Variants in ABCB5 observed in about 807,000 individuals in gnomAD.
ABCB5 encodes the protein ATP binding cassette subfamily B member 5.
In ABCB5, 155 loss-of-function variants were observed where a neutral mutation model predicts 144.2. That is an observed-to-expected ratio of 1.08 (90% CI 0.94 to 1.23). The LOEUF (loss-of-function observed/expected upper bound fraction) is 1.23. Ranked by LOEUF, ABCB5 falls within the 50% of genes most tolerant of loss-of-function variation. The pLI is 0.00. For missense variants in ABCB5, 1,830 were observed against 1,520.8 expected (o/e 1.20, Z -3.38); for synonymous variants, 610 against 528.6 (o/e 1.15, Z -2.11).
chr7:20,652,068 A>C (rs1784613627), intron 13 of ABCB5, among the ~76,000 whole-genome samples: 1 of 152,224 alleles, frequency 6.6e-6, no homozygotes, highest in East Asian at 1.9e-4. Context: ...GAAAAAAATG[A>C]AAGATATGTT....
At chr7:20,748,824 C>T (rs184212709) in intron 26 of ABCB5, among the ~76,000 whole-genome samples, 2 of 151,988 alleles carry the variant, frequency 1.3e-5, no homozygotes, top group Non-Finnish European at 2.9e-5. Flanking sequence ...AAATATATAC[C>T]CATATGTAAA....
At chr7:20,730,623 T>C (rs1377445060) in intron 23 of ABCB5, among the ~76,000 whole-genome samples, 1 of 152,220 alleles carries the variant, frequency 6.6e-6, no homozygotes, top group Non-Finnish European at 1.5e-5. Flanking sequence ...ACAATTATAT[T>C]TAGGCTTGGG....
intron 23 of ABCB5, among the ~76,000 whole-genome samples, chr7:20,730,055 G>A (rs1782159413): frequency 6.6e-6 from 1 of 152,188 alleles, no homozygotes; most frequent in East Asian, 1.9e-4. Flanking sequence ...ATTAAGTGAA[G>A]TCCCAGGAAG....
At chr7:20,682,159 T>G (rs1472913089) in intron 15 of ABCB5, among the ~76,000 whole-genome samples, 1 of 151,900 alleles carries the variant, frequency 6.6e-6, no homozygotes, top group Non-Finnish European at 1.5e-5. Flanking sequence ...GAGCCCAGAT[T>G]GCGCCACTGC....
At chr7:20,722,384 A>G (rs1463584141) in intron 20 of ABCB5, among the ~76,000 whole-genome samples, 1 of 152,196 alleles carries the variant, frequency 6.6e-6, no homozygotes, top group Non-Finnish European at 1.5e-5. Context: ...CTGCTAAACT[A>G]TTTAAGGAGA....
chr7:20,723,358 G>T, intron 21 of ABCB5, 139 bp downstream of exon 21: 4 of 903,368 alleles, frequency 4.4e-6, no homozygotes, highest in Non-Finnish European at 6.6e-6. Flanking sequence ...AAAGTGATAT[G>T]TATAGAGAGA....
intron 7 of ABCB5, among the ~76,000 whole-genome samples, chr7:20,643,968 G>A (rs557122393): frequency 1.6e-4 from 24 of 152,130 alleles, no homozygotes; most frequent in Non-Finnish European, 2.6e-4. Context: ...AGACTTGTTT[G>A]CTCTAAATTC....
chr7:20,651,888 T>C (rs909748352), intron 13 of ABCB5, among the ~76,000 whole-genome samples: 2 of 151,590 alleles, frequency 1.3e-5, no homozygotes, highest in African/African-American at 2.4e-5. Flanking sequence ...GTGTATTTAA[T>C]GTGTGGCCCA....
At chr7:20,746,596 T>C (rs1782731243) in intron 26 of ABCB5, among the ~76,000 whole-genome samples, 1 of 152,340 alleles carries the variant, frequency 6.6e-6, no homozygotes, top group East Asian at 1.9e-4. Flanking sequence ...AAGATCCTTT[T>C]TTATCACCTT....
intron 3 of ABCB5, among the ~76,000 whole-genome samples, chr7:20,626,944 G>A (rs867121545): frequency 6.6e-6 from 1 of 151,722 alleles, no homozygotes; most frequent in South Asian, 2.1e-4. Flanking sequence ...GAAATTATCA[G>A]TGACTTTTAC....
In ABCB5 at chr7:20,643,276, C is replaced by A. The variant is rs1426614941; in HGVS notation, c.407C>A (p.Thr136Asn). The A allele has an allele frequency of 8.1e-6, 13 of 1,613,756 alleles. No homozygotes were observed. Among genetic ancestry groups the A allele is most frequent in the Non-Finnish European group, 1.1e-5 (13 of 1,179,868 alleles). ...TGGATTATAACTGCAGCACGACAGA[C>A]CAAGAGGATTCGAAAACAGTTTTTT... is the stretch of plus-strand genomic sequence containing the variant. ...SLWIITAARQ[T>N]KRIRKQFFHS... The change falls in exon 6 of 28, where the codon ACC becomes AAC. Residue 136 changes from threonine (T) to asparagine (N), a missense_variant. Thr to Asn is a moderately conservative substitution (Grantham distance 65). Coordinates refer to ENST00000404938, the MANE Select transcript of ABCB5 (RefSeq NM_001163941.2).
intron 24 of ABCB5, among the ~76,000 whole-genome samples, chr7:20,742,532 GCACAAAC>G (rs1327721057): frequency 2.6e-5 from 4 of 152,164 alleles, no homozygotes; most frequent in Non-Finnish European, 5.9e-5. Context: ...GGTTTGTAAA[GCACAAAC>G]CACATTAAAA....
At chr7:20,682,902 A>G (rs1199734570) in intron 15 of ABCB5, among the ~76,000 whole-genome samples, 1 of 152,136 alleles carries the variant, frequency 6.6e-6, no homozygotes, top group Non-Finnish European at 1.5e-5. Context: ...TGGATTTCAC[A>G]TAACTTTCTC....
chr7:20,717,683 C>T (rs1432166054), intron 20 of ABCB5, among the ~76,000 whole-genome samples: 21 of 151,794 alleles, frequency 1.4e-4, no homozygotes, highest in Admixed American at 1.0e-3. Context: ...ATGATCTGCC[C>T]GCCTCGGCCT....
chr7:20,628,808 A>G lies in ABCB5; in HGVS notation c.229A>G (p.Ile77Val). The change falls in exon 4 of 28, where the codon ATT becomes GTT. Residue 77 changes from isoleucine (I) to valine (V), a missense_variant. Transcript: ENST00000404938. ...LVLGEMSDNL[I>V]SGCLVQTNTT... ...TTTAGGAGAAATGAGTGATAACCTT[A>G]TTAGTGGATGTCTAGTCCAAACTAA... is the stretch of plus-strand genomic sequence containing the variant. 1 of 1,613,794 alleles carries G rather than the reference A, an allele frequency of 6.2e-7. No homozygotes were observed.
intron 3 of ABCB5, among the ~76,000 whole-genome samples, chr7:20,628,094 G>C (rs1362818417): frequency 2.0e-5 from 3 of 152,028 alleles, no homozygotes; most frequent in African/African-American, 7.2e-5. Flanking sequence ...GTGCCATGTT[G>C]GTTTGCTGCA....
chr7:20,617,238 A>G (rs1163774899), intron 1 of ABCB5, among the ~76,000 whole-genome samples: 1 of 152,192 alleles, frequency 6.6e-6, no homozygotes, highest in Admixed American at 6.5e-5. Flanking sequence ...CTATAGAATG[A>G]GTAAATTTTT....
intron 23 of ABCB5, among the ~76,000 whole-genome samples, chr7:20,729,261 G>A (rs1484147074): frequency 6.6e-6 from 1 of 152,146 alleles, no homozygotes; most frequent in Non-Finnish European, 1.5e-5. Context: ...TCAGTTTACT[G>A]GAACATGGGA....
chr7:20,698,555 G>A lies in ABCB5; in HGVS notation c.2154+5G>A, dbSNP rs755463116. ...ATCTTTGCAAAAATTATAACCGTAA[G>A]TAAAATAAATTTGCTAATACTTTCA... On this transcript the variant is annotated splice_donor_5th_base_variant and intron_variant, in intron 17 of 27. Coordinates refer to ENST00000404938, the MANE Select transcript of ABCB5 (RefSeq NM_001163941.2). 1 of 1,585,302 alleles carries A rather than the reference G, an allele frequency of 6.3e-7. No individual in the cohort carries two copies. The highest frequency in any genetic ancestry group is 8.5e-7 in the Non-Finnish European group (1 of 1,170,840).
Sources: gnomAD v4.1 joint callset for allele counts (sites outside exome capture counted in the v4.1 genomes callset) on GRCh38, gnomAD v4.1.1 for gene constraint, MANE v1.5 for transcripts, NCBI Gene and HGNC (gene_info 2026-07-23, HGNC 2026-07-21) for gene names.